Variants in DTNB observed in about 807,000 individuals in gnomAD.
The protein encoded by DTNB is dystrobrevin beta, also known as DTN-B.
In DTNB, 63 loss-of-function variants were observed where a neutral mutation model predicts 90.7. That is an observed-to-expected ratio of 0.69 (90% confidence interval 0.57 to 0.86). The LOEUF (loss-of-function observed/expected upper bound fraction) is 0.86. DTNB is among the 40% of genes least tolerant of loss of function. DTNB has a pLI of 0.00. For synonymous variants in DTNB, 277 were observed against 286.7 expected (o/e 0.97, Z 0.34); for missense variants, 744 against 807.1 (o/e 0.92, Z 0.95).
chr2:25,498,402 C>G (rs2069521159), intron 9 of DTNB, among the ~76,000 whole-genome samples: 1 of 151,970 alleles, frequency 6.6e-6, no homozygotes, highest in Admixed American at 6.6e-5. Flanking sequence ...GACTACTGAG[C>G]AGAAGATGAA....
intron 8 of DTNB, among the ~76,000 whole-genome samples, chr2:25,539,577 CTTT>C (rs376900916): frequency 4.9e-5 from 6 of 123,312 alleles, no homozygotes; most frequent in African/African-American, 1.2e-4. Flanking sequence ...ACTGGATTGC[CTTT>C]TTTTTTTTTT....
intron 2 of DTNB, among the ~76,000 whole-genome samples, chr2:25,640,322 G>A (rs1400254359): frequency 6.6e-6 from 1 of 151,912 alleles, no homozygotes; most frequent in African/African-American, 2.4e-5. Context: ...CAGAGAACTG[G>A]CACAAATTAT....
intron 3 of DTNB, among the ~76,000 whole-genome samples, chr2:25,634,510 G>A (rs1473773427): frequency 6.7e-6 from 1 of 150,124 alleles, no homozygotes; most frequent in Non-Finnish European, 1.5e-5. Context: ...CCCCTACTGG[G>A]AAGTGAGGAG....
At chr2:25,392,936 T>A (rs988179738) in intron 16 of DTNB, among the ~76,000 whole-genome samples, 2 of 151,860 alleles carry the variant, frequency 1.3e-5, no homozygotes, top group African/African-American at 4.8e-5. Flanking sequence ...GGGAAGGACA[T>A]AACAAAACAA....
intron 19 of DTNB, among the ~76,000 whole-genome samples, chr2:25,382,717 C>A (rs1037249628): frequency 5.9e-5 from 9 of 151,734 alleles, no homozygotes; most frequent in African/African-American, 2.2e-4. Context: ...TTAGTAGAGA[C>A]AGGGTTTCAC....
intron 9 of DTNB, among the ~76,000 whole-genome samples, chr2:25,511,362 C>T (rs1312240225): frequency 6.6e-6 from 1 of 151,880 alleles, no homozygotes; most frequent in Non-Finnish European, 1.5e-5. Context: ...GATGGAGTTT[C>T]GTTCTTGCTG....
chr2:25,647,252 T>C (rs1267775866), intron 2 of DTNB, among the ~76,000 whole-genome samples: 1 of 152,126 alleles, frequency 6.6e-6, no homozygotes, highest in Non-Finnish European at 1.5e-5. Flanking sequence ...GGTACATGCA[T>C]CCAAGAATTA....
rs1385284390 is a variant in DTNB, at chr2:25,576,935, T to G, written c.779A>C (p.Gln260Pro). ...CTGGCAGAGCTGATAGTTGTGGCAC[T>G]GCTGGCATCGGTACCGGAAACCCAT... The part of the protein sequence containing the change: ...SMMGFRYRCQ[Q>P]CHNYQLCQNC... The change falls in exon 8 of 21, where the codon CAG (glutamine) becomes CCG (proline). Residue 260 changes from glutamine to proline, a missense_variant. Transcript: ENST00000406818. 6.2e-7 allele frequency: 1 copy of G among 1,612,972 alleles called. No homozygotes were observed. The highest frequency in any genetic ancestry group is 1.7e-5 in the Admixed American group (1 of 59,850).
At chr2:25,395,565 T>A (rs1380741706) in intron 16 of DTNB, among the ~76,000 whole-genome samples, 3 of 149,236 alleles carry the variant, frequency 2.0e-5, no homozygotes, top group Non-Finnish European at 4.4e-5. Flanking sequence ...TATAAATATA[T>A]ATTTATGTAT....
chr2:25,539,811 A>T (rs2151004820), intron 8 of DTNB, among the ~76,000 whole-genome samples: 1 of 152,164 alleles, frequency 6.6e-6, no homozygotes, highest in Non-Finnish European at 1.5e-5. Context: ...CATAAGGTAT[A>T]CTTCCAAATT....
At chr2:25,523,641 C>CA (rs763301694) in intron 9 of DTNB, among the ~76,000 whole-genome samples, 34,260 of 91,972 alleles carry the variant, frequency 0.37, 5,196 homozygotes, top group East Asian at 0.56. Flanking sequence ...ACTCTGTCTC[C>CA]AAAAAAAAAA....
chr2:25,564,693 C>A (rs1357291121), intron 8 of DTNB, among the ~76,000 whole-genome samples: 1 of 152,122 alleles, frequency 6.6e-6, no homozygotes, highest in Admixed American at 6.5e-5. Flanking sequence ...CGGCCTATTT[C>A]TTTCAGCCAT....
intron 9 of DTNB, among the ~76,000 whole-genome samples, chr2:25,513,798 G>A (rs1004675113): frequency 6.7e-6 from 1 of 148,530 alleles, no homozygotes; most frequent in Admixed American, 6.7e-5. Flanking sequence ...GCCTCATTCT[G>A]ACACACTGAT....
At chr2:25,518,296 A>G (rs2075500575) in intron 9 of DTNB, among the ~76,000 whole-genome samples, 1 of 152,218 alleles carries the variant, frequency 6.6e-6, no homozygotes, top group Non-Finnish European at 1.5e-5. Context: ...GCTTTATAGT[A>G]GGATAATGGC....
At chr2:25,403,915 T>C (rs1035440987) in intron 16 of DTNB, among the ~76,000 whole-genome samples, 5 of 152,140 alleles carry the variant, frequency 3.3e-5, no homozygotes, top group Non-Finnish European at 5.9e-5. Flanking sequence ...TACAGGCGTG[T>C]GCCACTGTGC....
chr2:25,383,674 A>T lies in DTNB; in HGVS notation c.1879+162T>A, dbSNP rs1385177136. On this transcript the variant is annotated intron_variant, in intron 19 of 20. Transcript: ENST00000406818. ...CGACTGACCTTGTCACCTGGAAGGT[A>T]AAACCTGACTGTCAGATGGGAAAAG... 20 of 1,480,334 alleles carry T rather than the reference A, an allele frequency of 1.4e-5. No individual in the cohort carries two copies. In the South Asian group the frequency reaches 1.5e-4, roughly 11 times the overall value. 91.7% of individuals were successfully genotyped at this position (1,480,334 alleles called of 1,614,324 possible). A position where few individuals can be genotyped will look rare whatever the true frequency, so the allele number is the denominator to read the frequency against.
chr2:25,413,225 T>A (rs567471566), intron 16 of DTNB, among the ~76,000 whole-genome samples: 1 of 152,254 alleles, frequency 6.6e-6, no homozygotes, highest in Non-Finnish European at 1.5e-5. Context: ...GATTCCTTTT[T>A]AAAAAAATTA....
At chr2:25,443,828 C>T (rs922125268) in intron 12 of DTNB, among the ~76,000 whole-genome samples, 3 of 152,326 alleles carry the variant, frequency 2.0e-5, no homozygotes, top group Non-Finnish European at 2.9e-5. Flanking sequence ...TTTTAAAATA[C>T]TTCATACATG....
At chr2:25,554,958 T>C (rs1003407808) in intron 8 of DTNB, among the ~76,000 whole-genome samples, 1 of 152,138 alleles carries the variant, frequency 6.6e-6, no homozygotes, top group Non-Finnish European at 1.5e-5. Flanking sequence ...TTGGAGGATA[T>C]GGAGAGCTTC....
Sources: gnomAD v4.1 joint callset for allele counts (sites outside exome capture counted in the v4.1 genomes callset) on GRCh38, gnomAD v4.1.1 for gene constraint, MANE v1.5 for transcripts, NCBI Gene and HGNC (gene_info 2026-07-23, HGNC 2026-07-21) for gene names.